The following NAP1L4 variants were observed in gnomAD, a reference collection of about 807,000 sequenced individuals.
NAP1L4 encodes nucleosome assembly protein 1 like 4.
Under a neutral mutation model 58.2 loss-of-function variants are expected in NAP1L4, and 15 were observed. The observed-to-expected ratio is 0.26, with a 90% CI of 0.17 to 0.40. NAP1L4 has a LOEUF of 0.40. Ranked by LOEUF, NAP1L4 falls within the 10% of genes least tolerant of loss-of-function variation. The pLI, the probability that NAP1L4 is intolerant of heterozygous loss-of-function variation, is 1.00. For synonymous variants in NAP1L4, 171 were observed against 155.6 expected (o/e 1.10, Z -0.74); for missense variants, 384 against 451.1 (o/e 0.85, Z 1.35).
chr11:2,985,843 G>A (rs538765288), intron 1 of NAP1L4, among the ~76,000 whole-genome samples: 2 of 152,202 alleles, frequency 1.3e-5, no homozygotes, highest in Admixed American at 6.5e-5. Flanking sequence ...GAACTGGCAA[G>A]CAAATTTTCA....
At chr11:2,956,635 G>A (rs1441971328) in intron 10 of NAP1L4, among the ~76,000 whole-genome samples, 1 of 152,108 alleles carries the variant, frequency 6.6e-6, no homozygotes, top group Admixed American at 6.5e-5. Context: ...CCAAGCCTCG[G>A]TGTGCCAGCA....
intron 6 of NAP1L4, among the ~76,000 whole-genome samples, chr11:2,970,712 A>C (rs187653317): frequency 6.6e-6 from 1 of 152,326 alleles, no homozygotes; most frequent in East Asian, 1.9e-4. Flanking sequence ...TTAAATCAGC[A>C]AAGGCAGATT....
At chr11:2,991,133 GCA>G (rs1051829665) in intron 1 of NAP1L4, 16 of 456,002 alleles carry the variant, frequency 3.5e-5, no homozygotes, top group Non-Finnish European at 5.3e-5. Context: ...CCAGAGGAGC[GCA>G]CAGTCACCCA....
chr11:2,975,673 C>A (rs889635028), intron 4 of NAP1L4, among the ~76,000 whole-genome samples: 1 of 151,538 alleles, frequency 6.6e-6, no homozygotes, highest in Non-Finnish European at 1.5e-5. Flanking sequence ...GTTGGTGTCA[C>A]AGGCTCATGT....
chr11:2,979,188 A>G lies in NAP1L4; in HGVS notation c.14+19T>C. 6.2e-7 allele frequency: 1 copy of G among 1,608,742 alleles called. No homozygotes were observed. Among genetic ancestry groups the G allele is most frequent in the Non-Finnish European group, 8.5e-7 (1 of 1,177,630 alleles). Reference sequence around the variant, plus strand: ...AACTGAATTTTAAACTCCAATAAACAAAGTCCACTTTGGCTTACCTGTGAT... The same window carrying G: ...AACTGAATTTTAAACTCCAATAAACGAAGTCCACTTTGGCTTACCTGTGAT... On this transcript the variant is annotated intron_variant, in intron 2 of 15. Transcript: ENST00000380542.
intron 4 of NAP1L4, among the ~76,000 whole-genome samples, chr11:2,973,411 AGGGCCCT>A (rs1847764158): frequency 6.6e-6 from 1 of 152,206 alleles, no homozygotes; most frequent in Admixed American, 6.5e-5. Flanking sequence ...TACCTGGGGC[AGGGCCCT>A]GGGTCCTGCA....
intron 4 of NAP1L4, among the ~76,000 whole-genome samples, chr11:2,975,641 C>A (rs1463146682): frequency 6.6e-6 from 1 of 151,844 alleles, no homozygotes; most frequent in Non-Finnish European, 1.5e-5. Context: ...CGGCACTATG[C>A]CCAGTTTTTT....
In NAP1L4 at chr11:2,958,548, C is replaced by G. The variant is rs748131760; in HGVS notation, c.747-4G>C. 6.2e-6 allele frequency: 10 copies of G among 1,612,404 alleles called. No homozygotes were observed. In the East Asian group the frequency reaches 6.7e-5, roughly 11 times the overall value. ...TTTCTTCCAGTCAATAGTACACCTA[C>G]CAGGACAAGACAGCTGTCAGGAACA... On this transcript the variant is annotated splice_polypyrimidine_tract_variant and splice_region_variant and intron_variant, in intron 9 of 15. Coordinates refer to ENST00000380542, the MANE Select transcript of NAP1L4 (RefSeq NM_005969.4).
chr11:2,957,738 T>TA (rs1159459027), intron 10 of NAP1L4, among the ~76,000 whole-genome samples: 2 of 152,182 alleles, frequency 1.3e-5, no homozygotes, highest in Non-Finnish European at 2.9e-5. Context: ...TAGGAAAATT[T>TA]AAAAAATAAA....
At chr11:2,950,848 T>C (rs7127342) in intron 14 of NAP1L4, 3,323 of 162,956 alleles carry the variant, frequency 0.02, 120 homozygotes, top group African/African-American at 0.075. Context: ...GGTCAAATGA[T>C]GCCCACAATC....
chr11:2,944,984 A>C lies in NAP1L4; in HGVS notation c.*695T>G, dbSNP rs1845866198. 6.6e-6 allele frequency: 1 copy of C among 152,130 alleles called. No homozygotes were observed. Among genetic ancestry groups the C allele is most frequent in the Non-Finnish European group, 1.5e-5 (1 of 68,022 alleles). 9.4% of individuals were successfully genotyped at this position (152,130 alleles called of 1,614,324 possible). On this transcript the variant is annotated 3_prime_UTR_variant, in exon 16 of 16. Transcript: ENST00000380542. ...CCTCACAGGCAAGAAGGGATAAATAAATATGAGGTGACCCGCAGCAGCTCT... is the reference window on the plus strand; with the variant it reads ...CCTCACAGGCAAGAAGGGATAAATACATATGAGGTGACCCGCAGCAGCTCT...
intron 3 of NAP1L4, among the ~76,000 whole-genome samples, chr11:2,977,733 C>T (rs1237812916): frequency 6.6e-6 from 1 of 151,614 alleles, no homozygotes; most frequent in Non-Finnish European, 1.5e-5. Context: ...TGCTTTCAAA[C>T]AGTTTGGAGG....
intron 12 of NAP1L4, among the ~76,000 whole-genome samples, chr11:2,952,973 T>G (rs1846319509): frequency 6.6e-6 from 1 of 152,176 alleles, no homozygotes; most frequent in African/African-American, 2.4e-5. Context: ...TGCCAACACT[T>G]ACTGAGTCAT....
chr11:2,956,231 A>C (rs1370793062), intron 10 of NAP1L4, among the ~76,000 whole-genome samples: 3 of 152,182 alleles, frequency 2.0e-5, no homozygotes, highest in Admixed American at 6.5e-5. Flanking sequence ...GCGAGACAGA[A>C]ACTGCATTTC....
chr11:2,965,209 T>C (rs188674732), intron 7 of NAP1L4, among the ~76,000 whole-genome samples: 1 of 152,328 alleles, frequency 6.6e-6, no homozygotes, highest in East Asian at 1.9e-4. Context: ...TCCCCACCTG[T>C]GGCAATAAAG....
At chr11:2,979,326 G>A (rs1848163321) in intron 1 of NAP1L4, 89 bp from the exon 2 acceptor site, 4 of 1,108,892 alleles carry the variant, frequency 3.6e-6, no homozygotes, top group South Asian at 1.4e-5. Flanking sequence ...TCTGTGGGAT[G>A]GAGTCCACTA....
chr11:2,950,435 C>T (rs1291975390), intron 14 of NAP1L4, among the ~76,000 whole-genome samples: 2 of 152,134 alleles, frequency 1.3e-5, no homozygotes, highest in Admixed American at 6.5e-5. Flanking sequence ...AGTGCACACT[C>T]CAAAAAACAA....
rs1845930353 is a variant in NAP1L4 at position 2,946,148 on chromosome 11, T to C, written c.*33-502A>G. On this transcript the variant is annotated intron_variant, in intron 15 of 15. Transcript: ENST00000380542. The surrounding 1 kb of genome is among the most constrained non-coding windows in gnomAD (Gnocchi z 4.8). The stretch of plus-strand genomic sequence containing the variant: ...CATCTCTCCTCTAGCGGGTTCCTGC[T>C]CTTTGTACTACCAGGGAGCGCCCCG... 6.6e-6 allele frequency among the ~76,000 whole-genome samples: 1 copy of C among 152,144 alleles called. No homozygotes were observed. The highest frequency in any genetic ancestry group is 1.5e-5 in the Non-Finnish European group (1 of 68,014).
chr11:2,977,270 C>T (rs1465433375), intron 3 of NAP1L4, among the ~76,000 whole-genome samples: 1 of 152,186 alleles, frequency 6.6e-6, no homozygotes, highest in Admixed American at 6.5e-5. Flanking sequence ...GTGAAAGGAC[C>T]TTGGTAACAG....
Sources: gnomAD v4.1 joint callset for allele counts (sites outside exome capture counted in the v4.1 genomes callset) on GRCh38, gnomAD v4.1.1 for gene constraint, Gnocchi (gnomAD v3.1) non-coding constraint, MANE v1.5 for transcripts, NCBI Gene and HGNC (gene_info 2026-07-23, HGNC 2026-07-21) for gene names.